Variants in MND1 observed in about 807,000 individuals in gnomAD.
MND1 encodes meiotic nuclear divisions 1.
MND1 carries 28 observed loss-of-function variants against 35.1 expected under a neutral mutation model. The ratio of observed to expected loss-of-function variants is 0.80; its 90% CI spans 0.59 to 1.09. The LOEUF is 1.09. Ranked by LOEUF, MND1 falls within the 50% of genes least tolerant of loss-of-function variation. The pLI is 0.00. For missense variants in MND1, 213 were observed against 239.6 expected (o/e 0.89, Z 0.73); for synonymous variants, 69 against 70.5 (o/e 0.98, Z 0.11).
intron 4 of MND1, among the ~76,000 whole-genome samples, chr4:153,388,360 G>A (rs1420307347): frequency 6.6e-6 from 1 of 152,048 alleles, no homozygotes; most frequent in African/African-American, 2.4e-5. Context: ...AGTGGTACAT[G>A]CCTGTAGTCC....
chr4:153,345,824 C>T (rs1469789715), intron 1 of MND1, among the ~76,000 whole-genome samples: 2 of 152,188 alleles, frequency 1.3e-5, no homozygotes, highest in South Asian at 2.1e-4. Context: ...CTCTAAGGAG[C>T]CAAACAGGAC....
chr4:153,398,944 A>G (rs1309580711), intron 6 of MND1, among the ~76,000 whole-genome samples: 2 of 152,190 alleles, frequency 1.3e-5, no homozygotes, highest in African/African-American at 4.8e-5. Flanking sequence ...AGGACTTAGA[A>G]CATTGTGTAC....
At chr4:153,402,549 C>A (rs889964732) in intron 6 of MND1, among the ~76,000 whole-genome samples, 2 of 152,180 alleles carry the variant, frequency 1.3e-5, no homozygotes, top group Admixed American at 1.3e-4. Flanking sequence ...ATACTCATTT[C>A]CCAGTCTCAC....
intron 4 of MND1, among the ~76,000 whole-genome samples, chr4:153,359,601 G>A (rs968117325): frequency 1.3e-5 from 2 of 152,116 alleles, no homozygotes; most frequent in East Asian, 1.9e-4. Context: ...CTAGGAAACT[G>A]CCAAAGTATC....
chr4:153,357,129 T>C (rs1773366123), intron 3 of MND1, among the ~76,000 whole-genome samples: 1 of 152,186 alleles, frequency 6.6e-6, no homozygotes, highest in South Asian at 2.1e-4. Context: ...ATTTTATAGA[T>C]GCACATTGAT....
At chr4:153,345,963 A>C (rs563739295) in intron 1 of MND1, among the ~76,000 whole-genome samples, 1 of 103,264 alleles carries the variant, frequency 9.7e-6, no homozygotes, top group Non-Finnish European at 2.1e-5. Context: ...TACCTAATCT[A>C]TCTCTCTACA....
chr4:153,385,138 G>C (rs887065393), intron 4 of MND1, among the ~76,000 whole-genome samples: 1 of 152,132 alleles, frequency 6.6e-6, no homozygotes, highest in African/African-American at 2.4e-5. Flanking sequence ...CTTTATAAAT[G>C]CTTATTGAAT....
intron 3 of MND1, among the ~76,000 whole-genome samples, chr4:153,356,552 CAAAAA>C (rs34763120): frequency 6.7e-5 from 4 of 60,044 alleles, no homozygotes; most frequent in African/African-American, 2.0e-4. Context: ...AACTCAGTCT[CAAAAA>C]AAAAAAAAAA....
chr4:153,398,874 G>T (rs552101071), intron 6 of MND1, among the ~76,000 whole-genome samples: 1 of 152,320 alleles, frequency 6.6e-6, no homozygotes, highest in South Asian at 2.1e-4. Flanking sequence ...GAAGGTTACT[G>T]TTAGGAAGCT....
chr4:153,352,310 T>G (rs773321433), intron 2 of MND1, among the ~76,000 whole-genome samples: 1 of 152,150 alleles, frequency 6.6e-6, no homozygotes, highest in Non-Finnish European at 1.5e-5. Context: ...CGTGTGTGTG[T>G]GTGGGTTTTG....
At chr4:153,402,388 T>C (rs1408711511) in intron 6 of MND1, among the ~76,000 whole-genome samples, 1 of 152,222 alleles carries the variant, frequency 6.6e-6, no homozygotes, top group Admixed American at 6.5e-5. Context: ...TAAGGACTTC[T>C]GAAACTTTGC....
At chr4:153,386,534 C>T (rs746686302) in intron 4 of MND1, among the ~76,000 whole-genome samples, 2 of 151,690 alleles carry the variant, frequency 1.3e-5, no homozygotes, top group African/African-American at 4.8e-5. Context: ...TGACCAACAT[C>T]GTGAAACCCT....
chr4:153,362,202 TCTTTTATAA>T (rs750894694), intron 4 of MND1, among the ~76,000 whole-genome samples: 6 of 152,244 alleles, frequency 3.9e-5, no homozygotes, highest in Non-Finnish European at 5.9e-5. Flanking sequence ...TGCTTTCATC[TCTTTTATAA>T]CTTTAAACAT....
At chr4:153,409,045 T>C in intron 7 of MND1, 30 bp downstream of exon 7, 1 of 1,289,416 alleles carries the variant, frequency 7.8e-7, no homozygotes, top group Non-Finnish European at 1.0e-6. Context: ...TGATAAACTA[T>C]AGCTAAATTC....
At chr4:153,390,684 A>G (rs1016486870) in intron 4 of MND1, among the ~76,000 whole-genome samples, 2 of 151,960 alleles carry the variant, frequency 1.3e-5, no homozygotes, top group Admixed American at 1.3e-4. Context: ...CATCTCTACA[A>G]AAAAAATACA....
intron 6 of MND1, among the ~76,000 whole-genome samples, chr4:153,403,641 A>G (rs1302547255): frequency 6.6e-6 from 1 of 152,204 alleles, no homozygotes; most frequent in Non-Finnish European, 1.5e-5. Context: ...CTGTAACCCA[A>G]GCTGGAGTGC....
At chr4:153,372,963 G>C (rs1187674703) in intron 4 of MND1, among the ~76,000 whole-genome samples, 1 of 149,472 alleles carries the variant, frequency 6.7e-6, no homozygotes, top group Non-Finnish European at 1.5e-5. Context: ...AATATTCTTT[G>C]TTCTGGTGTT....
chr4:153,365,609 T>C (rs1192299794), intron 4 of MND1, among the ~76,000 whole-genome samples: 1 of 151,918 alleles, frequency 6.6e-6, no homozygotes, highest in Admixed American at 6.5e-5. Flanking sequence ...TTTTTTTTTT[T>C]CTTTTTAAGA....
At chr4:153,344,658 CA>C, upstream of MND1, 2 of 1,359,744 alleles carry the variant, frequency 1.5e-6, no homozygotes, top group South Asian at 1.3e-5. Flanking sequence ...TAGTCGGCGC[CA>C]AAATCAAACG....
Sources: allele counts gnomAD v4.1 joint callset (sites outside exome capture counted in the v4.1 genomes callset), GRCh38; gene constraint gnomAD v4.1.1; transcripts MANE v1.5; gene names NCBI Gene and HGNC (gene_info 2026-07-23, HGNC 2026-07-21).